PSMB5: variants seen among roughly 807,000 people sequenced by gnomAD.
PSMB5 encodes the protein proteasome 20S subunit beta 5, also known as proteasome subunit beta type-5.
A neutral mutation model predicts 22.8 loss-of-function variants in PSMB5; 2 were observed. The ratio of observed to expected loss-of-function variants is 0.09; its 90% CI spans 0.04 to 0.28. The LOEUF is 0.28. Among genes scored for constraint, PSMB5 ranks in the 10% least tolerant of loss-of-function variants. The probability of loss-of-function intolerance (pLI) is 1.00; values close to 1 mark genes in which losing one functional copy is unlikely to be tolerated. For synonymous variants in PSMB5, 133 were observed against 135.3 expected, an observed-to-expected ratio of 0.98 and a Z score of 0.12; for missense variants, 269 against 343.8, an observed-to-expected ratio of 0.78 and a Z score of 1.72.
intron 2 of PSMB5, 108 bp from the exon 3 acceptor site, chr14:23,026,483 C>A: frequency 6.9e-7 from 1 of 1,448,488 alleles, no homozygotes; most frequent in Non-Finnish European, 9.2e-7. Context: ...GAGTTTTGCT[C>A]TTGTTGCCCA....
chr14:23,032,903 G>A (rs568493385), intron 2 of PSMB5, among the ~76,000 whole-genome samples: 55 of 140,200 alleles, frequency 3.9e-4, no homozygotes, highest in African/African-American at 1.3e-3. Flanking sequence ...GGCCTTCAAC[G>A]AATTCTTAAA....
At chr14:23,029,664 C>T (rs1445270688) in intron 2 of PSMB5, among the ~76,000 whole-genome samples, 6 of 152,216 alleles carry the variant, frequency 3.9e-5, no homozygotes, top group Non-Finnish European at 7.3e-5. Context: ...GATTCTCCTG[C>T]CTCAGCCTCC....
intron 1 of PSMB5, 109 bp from the exon 2 acceptor site, chr14:23,033,783 T>C: frequency 1.0e-6 from 1 of 976,812 alleles, no homozygotes; most frequent in East Asian, 2.6e-5. Context: ...TTCTCCGTCC[T>C]TTTATACTTC....
At chr14:23,034,515 C>T in intron 1 of PSMB5, 169 bp downstream of exon 1, 1 of 760,204 alleles carries the variant, frequency 1.3e-6, no homozygotes. Context: ...AGAGCAAAGA[C>T]AGGGGCCTCC....
rs887387186 is a variant in PSMB5 at position 23,027,595 on chromosome 14, C to T, written c.506-1220G>A. The T allele has an allele frequency of 1.1e-4, 57 of 512,474 alleles. 1 individual carries two copies. In the South Asian group the frequency reaches 1.2e-3, roughly 11 times the overall value. The allele number at this position is 512,474 out of a possible 1,614,324, so 31.7% of individuals were successfully genotyped here. A position where few individuals can be genotyped will look rare whatever the true frequency, so the allele number is the denominator to read the frequency against. On this transcript the variant is annotated intron_variant, in intron 2 of 2. Transcript: ENST00000361611. The stretch of plus-strand genomic sequence containing the variant: ...CTCAGGACTTGCAGGCTGCAGTAAG[C>T]TATAATCACACCACCACACTCCAGC...
rs1336495450 is a variant in PSMB5, at chr14:23,034,780, A to G, written c.102T>C (p.Ser34=). 6.2e-7 allele frequency: 1 copy of G among 1,613,788 alleles called. No homozygotes were observed. The highest frequency in any genetic ancestry group is 2.2e-5 in the East Asian group (1 of 44,866). ...RADLLDLGPG[S]LSDGLSLAAP... ...CGGCCAGGCTCAGACCATCACTGAGACTCCCTGGACCTAGATCCAGCAGAT... is the reference window on the plus strand; with the variant it reads ...CGGCCAGGCTCAGACCATCACTGAGGCTCCCTGGACCTAGATCCAGCAGAT... Residue 34 remains serine, a synonymous_variant, in exon 1 of 3, where the codon AGT becomes AGC. Coordinates refer to ENST00000361611, the MANE Select transcript of PSMB5 (RefSeq NM_002797.5).
At chr14:23,026,610 C>A (rs1255695616) in intron 2 of PSMB5, among the ~76,000 whole-genome samples, 1 of 151,426 alleles carries the variant, frequency 6.6e-6, no homozygotes, top group African/African-American at 2.4e-5. Context: ...TAACCACGCC[C>A]AGCTAATTTT....
At chr14:23,034,978 T>C, upstream of PSMB5, 1 of 1,464,568 alleles carries the variant, frequency 6.8e-7, no homozygotes, top group South Asian at 1.4e-5. Flanking sequence ...ATTAAATCTA[T>C]TCCGGAATGG....
chr14:23,028,006 G>A (rs893573671), intron 2 of PSMB5, among the ~76,000 whole-genome samples: 4 of 152,112 alleles, frequency 2.6e-5, no homozygotes, highest in African/African-American at 9.7e-5. Context: ...AGCCAGGCGT[G>A]GTGGCGCATG....
chr14:23,032,155 AGAG>A (rs1202013817), intron 2 of PSMB5, among the ~76,000 whole-genome samples: 1 of 152,098 alleles, frequency 6.6e-6, no homozygotes, highest in Non-Finnish European at 1.5e-5. Context: ...AAAGAAAAAA[AGAG>A]AAGAGGCCGG....
intron 2 of PSMB5, among the ~76,000 whole-genome samples, chr14:23,032,820 G>A (rs182240429): frequency 6.6e-6 from 1 of 150,762 alleles, no homozygotes; most frequent in Non-Finnish European, 1.5e-5. Flanking sequence ...GGATGGTCTC[G>A]ATCTCCTGAC....
intron 2 of PSMB5, among the ~76,000 whole-genome samples, chr14:23,027,483 T>C (rs1224290060): frequency 6.7e-6 from 1 of 149,308 alleles, no homozygotes; most frequent in Non-Finnish European, 1.5e-5. Flanking sequence ...AGATAGGACT[T>C]CTATAAAATT....
In PSMB5 at chr14:23,026,046, G is replaced by T; in HGVS notation, c.*43C>A. ...GGGTCACTGTGTCCGTATTACCAAT[G>T]ACAGTCACCCCAAGAAACACAAGCA... is the stretch of plus-strand genomic sequence containing the variant. On this transcript the variant is annotated 3_prime_UTR_variant, in exon 3 of 3. Transcript: ENST00000361611. The T allele has an allele frequency of 3.7e-6, 6 of 1,602,632 alleles. No individual in the cohort carries two copies. Among genetic ancestry groups the T allele is most frequent in the Non-Finnish European group, 5.1e-6 (6 of 1,172,696 alleles).
intron 1 of PSMB5, 80 bp from the exon 2 acceptor site, chr14:23,033,754 C>A: frequency 8.0e-7 from 1 of 1,257,806 alleles, no homozygotes; most frequent in African/African-American, 1.5e-5. Context: ...TTGCATCAAT[C>A]CAAACCCAGC....
At chr14:23,031,802 C>T (rs868111175) in intron 2 of PSMB5, among the ~76,000 whole-genome samples, 3 of 152,144 alleles carry the variant, frequency 2.0e-5, no homozygotes, top group South Asian at 2.1e-4. Context: ...AAGAAATGAG[C>T]CCAGGACTAG....
chr14:23,033,717 C>A, intron 1 of PSMB5, 43 bp from the exon 2 acceptor site: 2 of 1,543,204 alleles, frequency 1.3e-6, no homozygotes, highest in South Asian at 1.2e-5. Context: ...CACATAAGAC[C>A]ACAAAAACAC....
In PSMB5 at chr14:23,026,001, C is replaced by G; in HGVS notation, c.*88G>C. 1 of 1,559,910 alleles carries G rather than the reference C, an allele frequency of 6.4e-7. No individual in the cohort carries two copies. Among genetic ancestry groups the G allele is most frequent in the Non-Finnish European group, 8.7e-7 (1 of 1,151,926 alleles). On this transcript the variant is annotated 3_prime_UTR_variant, in exon 3 of 3. Transcript: ENST00000361611. ...ACTGATACAATTGAAGGCCCTTCCA[C>G]TATAAATAGGATGGAGGATGGGTCA...
Position 23,028,087 on chromosome 14 carries a change from G to A in PSMB5, c.506-1712C>T, listed in dbSNP as rs2046928965. Among the ~76,000 whole-genome samples, 3 of 152,182 alleles carry A rather than the reference G, an allele frequency of 2.0e-5. No homozygotes were observed. The South Asian group carries it at 6.2e-4, about 32-fold the overall frequency. ...GAACCTGGGAGGTGGAGTTTGCAGT[G>A]AGCCGAGATCGCACCACTGCACTCC... On this transcript the variant is annotated intron_variant, in intron 2 of 2. Transcript: ENST00000361611.
At chr14:23,030,858 G>C (rs949375093) in intron 2 of PSMB5, among the ~76,000 whole-genome samples, 3 of 152,150 alleles carry the variant, frequency 2.0e-5, no homozygotes, top group Non-Finnish European at 4.4e-5. Context: ...CCAGGAGGTG[G>C]AGGTTGCAAT....
Sources: allele counts gnomAD v4.1 joint callset (sites outside exome capture counted in the v4.1 genomes callset), GRCh38; gene constraint gnomAD v4.1.1; transcripts MANE v1.5; gene names NCBI Gene and HGNC (gene_info 2026-07-23, HGNC 2026-07-21).